Variants in EML3 observed in about 807,000 individuals in gnomAD.
The protein encoded by EML3 is EMAP like 3.
A neutral mutation model predicts 106.7 loss-of-function variants in EML3; 53 were observed. The ratio of observed to expected loss-of-function variants is 0.50; its 90% confidence interval spans 0.40 to 0.62. The LOEUF (loss-of-function observed/expected upper bound fraction) is 0.62. Among genes scored for constraint, EML3 ranks in the 20% least tolerant of loss-of-function variants. EML3 has a pLI of 0.00. For missense variants in EML3, 994 were observed against 1,209.1 expected, an observed-to-expected ratio of 0.82 and a Z score of 2.64; for synonymous variants, 499 against 489.6, an observed-to-expected ratio of 1.02 and a Z score of -0.25.
intron 12 of EML3, 58 bp from the exon 13 acceptor site, chr11:62,606,272 G>C: frequency 1.3e-6 from 2 of 1,570,276 alleles, no homozygotes; most frequent in South Asian, 2.3e-5. Flanking sequence ...TGAGAAACAG[G>C]GCCAGCTTGG....
chr11:62,602,362 T>C lies in EML3; in HGVS notation c.*113A>G, dbSNP rs1181509298. On this transcript the variant is annotated 3_prime_UTR_variant, in exon 22 of 22. Coordinates refer to ENST00000394773, the MANE Select transcript of EML3 (RefSeq NM_153265.3). The stretch of plus-strand genomic sequence containing the variant: ...CCAGGAAAATGCGCGATCGGGAATG[T>C]CTCGAAGTCAGTCCAGGAAAGAGTC... 6.5e-7 allele frequency: 1 copy of C among 1,548,838 alleles called. No individual in the cohort carries two copies. The highest frequency in any genetic ancestry group is 8.7e-7 in the Non-Finnish European group (1 of 1,145,520).
chr11:62,607,523 G>A, intron 11 of EML3, 143 bp downstream of exon 11: 1 of 983,660 alleles, frequency 1.0e-6, no homozygotes, highest in Non-Finnish European at 1.5e-6. Context: ...GGTGACAAGA[G>A]CAAGACTCCG....
chr11:62,606,235 A>G (rs1227154323), intron 12 of EML3, 21 bp from the exon 13 acceptor site: 2 of 1,611,102 alleles, frequency 1.2e-6, no homozygotes, highest in South Asian at 1.1e-5. Context: ...AGCCCCAGGT[A>G]GATCATGTTT....
At chr11:62,606,553 A>G in intron 12 of EML3, 1 of 373,726 alleles carries the variant, frequency 2.7e-6, no homozygotes. Flanking sequence ...ATCAACTCTC[A>G]AGGTAAAAAG....
In EML3 at chr11:62,602,706, C is replaced by T. The variant is rs199801821; in HGVS notation, c.2488-28G>A. 6.4e-4 allele frequency: 1,026 copies of T among 1,597,982 alleles called. 4 individuals are homozygous for T. In the African/African-American group the frequency reaches 0.012, roughly 18 times the overall value. The stretch of plus-strand genomic sequence containing the variant: ...GGGCCGGAGGGAAGAGTTGCGGTGG[C>T]GGCTGAGCCCTCGGGCCCACCGGTC... On this transcript the variant is annotated intron_variant, in intron 21 of 21. Transcript: ENST00000394773.
chr11:62,611,758 G>A (rs1225452894), intron 1 of EML3, 162 bp from the exon 2 acceptor site: 2 of 785,964 alleles, frequency 2.5e-6, no homozygotes, highest in African/African-American at 1.8e-5. Context: ...GGTGGTAAAG[G>A]ATCAAGGGCC....
chr11:62,610,226 C>T (rs1333742077), intron 4 of EML3, among the ~76,000 whole-genome samples: 2 of 152,230 alleles, frequency 1.3e-5, no homozygotes, highest in East Asian at 3.8e-4. Context: ...AGAAAGTCCA[C>T]ATCTCTCCAG....
chr11:62,608,432 C>G, intron 9 of EML3, 110 bp downstream of exon 9: 1 of 1,361,380 alleles, frequency 7.3e-7, no homozygotes, highest in Middle Eastern at 1.9e-4. Context: ...CTCAAGAGAA[C>G]CAGCTGGGTG....
At chr11:62,603,659 C>G (rs553463306) in intron 19 of EML3, 70 bp downstream of exon 19, 3 of 1,346,564 alleles carry the variant, frequency 2.2e-6, no homozygotes, top group Non-Finnish European at 3.2e-6. Flanking sequence ...AACAACACCT[C>G]TAACAGCCCC....
intron 20 of EML3, 97 bp downstream of exon 20, chr11:62,603,052 G>A: frequency 6.4e-7 from 1 of 1,551,314 alleles, no homozygotes; most frequent in Non-Finnish European, 8.8e-7. Context: ...TCAGGTTTCT[G>A]GACTCTCACC....
In EML3 at chr11:62,602,511, G is replaced by C; in HGVS notation, c.2655C>G (p.Thr885=). 6.6e-7 allele frequency: 1 copy of C among 1,515,842 alleles called. No homozygotes were observed. The highest frequency in any genetic ancestry group is 8.8e-7 in the Non-Finnish European group (1 of 1,130,592). 93.9% of individuals were successfully genotyped at this position (1,515,842 alleles called of 1,614,324 possible). ...AGPAPATPSR[T]PSLSPASSLD... is the part of the protein sequence containing the mutation. ...GGGAGGAGGCGGGGGACAGGGAGGG[G>C]GTTCGAGAGGGCGTGGCGGGCGCCG... The change falls in exon 22 of 22, where the codon ACC becomes ACG. Residue 885 remains threonine, a synonymous_variant. Coordinates refer to ENST00000394773, the MANE Select transcript of EML3 (RefSeq NM_153265.3).
Position 62,608,780 on chromosome 11 carries a change from G to A in EML3, c.955C>T (p.Arg319Trp), listed in dbSNP as rs551896843. The change falls in exon 8 of 22, where the codon CGG becomes TGG. Residue 319 changes from arginine (R) to tryptophan (W), a missense_variant. Physicochemically the swap from Arg to Trp is moderately radical, Grantham distance 101. This residue lies in a region of EML3 where 713 missense variants were observed against 920.5 expected (regional missense o/e 0.77). Coordinates refer to ENST00000394773, the MANE Select transcript of EML3 (RefSeq NM_153265.3). ...RCLAVHPDGV[R>W]VASGQTAGVD... The stretch of plus-strand genomic sequence containing the variant: ...CCAGCTGTCTGTCCCGAGGCTACCC[G>A]AACACCATCAGGGTGAACAGCAAGG... 9.5e-6 allele frequency: 15 copies of A among 1,585,012 alleles called. No homozygotes were observed. The East Asian group carries it at 2.2e-4, about 24-fold the overall frequency.
At chr11:62,610,816 G>A in intron 4 of EML3, 63 bp downstream of exon 4, 1 of 1,404,056 alleles carries the variant, frequency 7.1e-7, no homozygotes, top group Non-Finnish European at 9.9e-7. Flanking sequence ...TGTGAGGTGA[G>A]GGATATGGAA....
At chr11:62,608,517 T>A (rs1314003189) in intron 9 of EML3, 25 bp downstream of exon 9, 25 of 1,604,062 alleles carry the variant, frequency 1.6e-5, no homozygotes, top group Non-Finnish European at 2.1e-5. Context: ...AGAATGGGGG[T>A]CTAGAGGCTT....
In EML3 at chr11:62,612,722, G is replaced by A; in HGVS notation, c.-265C>T. 1 of 361,978 alleles carries A rather than the reference G, an allele frequency of 2.8e-6. No homozygotes were observed. Among genetic ancestry groups the A allele is most frequent in the Non-Finnish European group, 4.9e-6 (1 of 203,710 alleles). 22.4% of individuals were successfully genotyped at this position (361,978 alleles called of 1,614,324 possible). On this transcript the variant is annotated 5_prime_UTR_variant, in exon 1 of 22. Transcript: ENST00000394773. ...CGGGGGTGGGGTGGCAGGGCCGTCCGGTGCCACAGCGCCGCAGCACAAACA... is the reference window on the plus strand; with the variant it reads ...CGGGGGTGGGGTGGCAGGGCCGTCCAGTGCCACAGCGCCGCAGCACAAACA...
rs1247335413 is a variant in EML3 at position 62,611,086 on chromosome 11, C to G, written c.452+1G>C. The G allele has an allele frequency of 1.2e-5, 19 of 1,598,604 alleles. No individual in the cohort carries two copies. The highest frequency in any genetic ancestry group is 1.6e-5 in the Non-Finnish European group (19 of 1,177,532). On this transcript the variant is annotated splice_donor_variant, in intron 3 of 21. Coordinates refer to ENST00000394773, the MANE Select transcript of EML3 (RefSeq NM_153265.3). LOFTEE classifies it high-confidence loss of function. ...CCGCCACAGGGCCACAGGACACCTA[C>G]GTGTCAGCACGCTGTGGGGGCTGCA... is the stretch of plus-strand genomic sequence containing the variant.
At chr11:62,606,339 T>A (rs1942517768) in intron 12 of EML3, 125 bp from the exon 13 acceptor site, 2 of 1,081,854 alleles carry the variant, frequency 1.8e-6, no homozygotes, top group Non-Finnish European at 2.6e-6. Flanking sequence ...CTATGTCTCA[T>A]CCTCATACTG....
chr11:62,606,725 C>T (rs568594620), intron 12 of EML3, among the ~76,000 whole-genome samples: 4 of 152,228 alleles, frequency 2.6e-5, no homozygotes, highest in African/African-American at 9.6e-5. Context: ...GGCGTGGTGG[C>T]GTGTGCCTGT....
rs961604008 is a variant in EML3, at chr11:62,607,161, G to A, written c.1363-62C>T. On this transcript the variant is annotated intron_variant, in intron 11 of 21. Transcript: ENST00000394773. ...GGAAGGGCAAAGATTAAAAGTCGCAGGGCAGGCCAGGTGCAGTGGCTCATG... is the reference window on the plus strand; with the variant it reads ...GGAAGGGCAAAGATTAAAAGTCGCAAGGCAGGCCAGGTGCAGTGGCTCATG... 10 of 1,579,248 alleles carry A rather than the reference G, an allele frequency of 6.3e-6. No homozygotes were observed. The African/African-American group carries it at 8.1e-5, about 13-fold the overall frequency.
Sources: allele counts gnomAD v4.1 joint callset (sites outside exome capture counted in the v4.1 genomes callset), GRCh38; gene constraint gnomAD v4.1.1; regional missense constraint gnomAD v4.1.1; transcripts MANE v1.5; gene names NCBI Gene and HGNC (gene_info 2026-07-23, HGNC 2026-07-21).